BCL9: variants seen among roughly 807,000 people sequenced by gnomAD.
The protein encoded by BCL9 is B-cell CLL/lymphoma 9 protein.
In BCL9, 25 loss-of-function variants were observed where a neutral mutation model predicts 88.5. The ratio of observed to expected loss-of-function variants is 0.28; its 90% CI spans 0.21 to 0.39. The LOEUF (loss-of-function observed/expected upper bound fraction) is 0.39, where lower values mean the gene tolerates loss of function less well. BCL9 is among the 10% of genes least tolerant of loss of function. The pLI is 1.00. For missense variants in BCL9, 1,817 were observed against 1,877.8 expected (o/e 0.97, Z 0.60); for synonymous variants, 711 against 673.3 (o/e 1.06, Z -0.87).
At position 147,625,118 on chromosome 1, in the gene BCL9, AT is replaced by A. The variant is rs1327419306; in HGVS notation, c.*162del. 1 of 766,086 alleles carries A rather than the reference AT, an allele frequency of 1.3e-6. No homozygotes were observed. The highest frequency in any genetic ancestry group is 1.9e-6 in the Non-Finnish European group (1 of 519,084). The allele number at this position is 766,086 out of a possible 1,614,324, so 47.5% of individuals were successfully genotyped here. Reference sequence around the variant, plus strand: ...GAGGGGGGAACTCGAGAATGTATGGATTTACCTGAAAACAAATTATTCATTT... The same window carrying A: ...GAGGGGGGAACTCGAGAATGTATGGATTACCTGAAAACAAATTATTCATTT... On this transcript the variant is annotated 3_prime_UTR_variant, in exon 10 of 10. Coordinates refer to ENST00000234739, the MANE Select transcript of BCL9 (RefSeq NM_004326.4).
At chr1:147,608,814 C>T (rs1657860078) in intron 3 of BCL9, among the ~76,000 whole-genome samples, 1 of 152,150 alleles carries the variant, frequency 6.6e-6, no homozygotes, top group African/African-American at 2.4e-5. Flanking sequence ...GCTCACCTTG[C>T]CCACCAAGGC....
rs774177827 is a variant in BCL9, at chr1:147,588,439, C to G, written c.-477-16338C>G. 4.1e-4 allele frequency among the ~76,000 whole-genome samples: 62 copies of G among 152,142 alleles called. 3 individuals carry two copies. Among genetic ancestry groups the G allele is most frequent in the Non-Finnish European group, 1.3e-4 (9 of 68,006 alleles). On this transcript the variant is annotated intron_variant, in intron 1 of 9. Coordinates refer to ENST00000234739, the MANE Select transcript of BCL9 (RefSeq NM_004326.4). Reference sequence around the variant, plus strand: ...AACAAAAAACGACAGTATACACTTACTTCATTTACAGAAATATGAAATAAG... The same window carrying G: ...AACAAAAAACGACAGTATACACTTAGTTCATTTACAGAAATATGAAATAAG...
At chr1:147,609,340 C>T (rs1422041188) in intron 3 of BCL9, among the ~76,000 whole-genome samples, 4 of 152,154 alleles carry the variant, frequency 2.6e-5, no homozygotes, top group Admixed American at 6.5e-5. Context: ...AACTTATTTC[C>T]TTGGGCTAGG....
intron 7 of BCL9, among the ~76,000 whole-genome samples, chr1:147,618,310 T>G (rs1658395727): frequency 6.6e-6 from 1 of 152,166 alleles, no homozygotes; most frequent in Non-Finnish European, 1.5e-5. Context: ...CTTCCTCGGC[T>G]GGTAGAATAC....
At chr1:147,561,827 G>A (rs982457969) in intron 1 of BCL9, among the ~76,000 whole-genome samples, 8 of 152,176 alleles carry the variant, frequency 5.3e-5, no homozygotes, top group East Asian at 1.9e-4. Context: ...AAAGAGCAGC[G>A]AGAGTGTCAT....
Position 147,624,431 on chromosome 1 carries a change from T to C in BCL9, c.3753T>C (p.Tyr1251=). The C allele has an allele frequency of 6.2e-7, 1 of 1,614,226 alleles. No individual in the cohort carries two copies. The highest frequency in any genetic ancestry group is 8.5e-7 in the Non-Finnish European group (1 of 1,180,040). ...PSEKPSQTLQ[Y]FPRGEVPGRK... ...AGAAGCCCAGCCAGACGCTGCAATATTTCCCTCGAGGGGAAGTTCCAGGCC... is the reference window on the plus strand; with the variant it reads ...AGAAGCCCAGCCAGACGCTGCAATACTTCCCTCGAGGGGAAGTTCCAGGCC... Residue 1251 remains tyrosine, a synonymous_variant, in exon 10 of 10, where the codon TAT becomes TAC. Transcript: ENST00000234739. The surrounding 1 kb of genome is among the most constrained non-coding windows in gnomAD (Gnocchi z 4.4).
Position 147,625,095 on chromosome 1 carries a change from G to GT in BCL9, c.*136_*137insT. 9.3e-7 allele frequency: 1 copy of GT among 1,070,496 alleles called. No homozygotes were observed. Among genetic ancestry groups the GT allele is most frequent in the Non-Finnish European group, 1.3e-6 (1 of 782,090 alleles). 66.3% of individuals were successfully genotyped at this position (1,070,496 alleles called of 1,614,324 possible). The stretch of plus-strand genomic sequence containing the variant: ...GAGACCCGAGGGCTGCTTTGGGGGA[G>GT]GGGGGAACTCGAGAATGTATGGATT... On this transcript the variant is annotated 3_prime_UTR_variant, in exon 10 of 10. Transcript: ENST00000234739.
intron 1 of BCL9, among the ~76,000 whole-genome samples, chr1:147,599,241 G>A (rs1657197595): frequency 6.6e-6 from 1 of 152,214 alleles, no homozygotes; most frequent in Admixed American, 6.5e-5. Flanking sequence ...CTGGGTGGGG[G>A]CTGCTCTCCT....
At position 147,620,485 on chromosome 1, in the gene BCL9, A is replaced by G. The variant is rs372997596; in HGVS notation, c.2330A>G (p.Tyr777Cys). 2 of 1,614,008 alleles carry G rather than the reference A, an allele frequency of 1.2e-6. No individual in the cohort carries two copies. Among genetic ancestry groups the G allele is most frequent in the Non-Finnish European group, 8.5e-7 (1 of 1,180,018 alleles). ...TTTGGTGAGCACCCCCAGCAGGAGT[A>G]TGGCATGGGCCCCAGACCATTCCTT... is the stretch of plus-strand genomic sequence containing the variant. Reference protein sequence around the residue: ...LPFGEHPQQEYGMGPRPFLPM... With the variant: ...LPFGEHPQQECGMGPRPFLPM... The change falls in exon 8 of 10, where the codon TAT (tyrosine) becomes TGT (cysteine). Residue 777 changes from tyrosine (Y) to cysteine (C), a missense_variant. Tyr to Cys is a radical substitution (Grantham distance 194). Around this residue, in one of 2 missense-constraint regions of BCL9, gnomAD observed 1,228 missense variants for 1,191.6 expected, o/e 1.03. Transcript: ENST00000234739.
At position 147,625,217 on chromosome 1, in the gene BCL9, C is replaced by T. The variant is rs1034028246; in HGVS notation, c.*258C>T. ...TTGTGGACTTGGGTATCAATGATGG[C>T]ACCTACTTTTGGGAATCTGTAGCTG... On this transcript the variant is annotated 3_prime_UTR_variant, in exon 10 of 10. Transcript: ENST00000234739. 4 of 423,074 alleles carry T rather than the reference C, an allele frequency of 9.5e-6. No individual in the cohort carries two copies. The highest frequency in any genetic ancestry group is 1.7e-5 in the Non-Finnish European group (4 of 237,954). The allele number at this position is 423,074 out of a possible 1,614,324, so 26.2% of individuals were successfully genotyped here.
intron 1 of BCL9, among the ~76,000 whole-genome samples, chr1:147,557,233 T>G (rs1469117353): frequency 6.6e-6 from 1 of 152,180 alleles, no homozygotes; most frequent in Non-Finnish European, 1.5e-5. Flanking sequence ...ACAACTTGCT[T>G]GATAACATTT....
chr1:147,591,605 C>T (rs1197977180), intron 1 of BCL9, among the ~76,000 whole-genome samples: 1 of 152,116 alleles, frequency 6.6e-6, no homozygotes, highest in African/African-American at 2.4e-5. Context: ...CAGCGACTGC[C>T]ATTATGTTTG....
rs2101629775 is a variant in BCL9, at chr1:147,625,838, G to C, written c.*879G>C. 4.3e-6 allele frequency: 1 copy of C among 232,804 alleles called. No homozygotes were observed. Among genetic ancestry groups the C allele is most frequent in the Non-Finnish European group, 8.5e-6 (1 of 117,574 alleles). 14.4% of individuals were successfully genotyped at this position (232,804 alleles called of 1,614,324 possible). ...GCTGCAATACACAGTGTTATTTTGGGGAAATAAATCTAGCAAAGCCTCGCC... is the reference window on the plus strand; with the variant it reads ...GCTGCAATACACAGTGTTATTTTGGCGAAATAAATCTAGCAAAGCCTCGCC... On this transcript the variant is annotated 3_prime_UTR_variant, in exon 10 of 10. Coordinates refer to ENST00000234739, the MANE Select transcript of BCL9 (RefSeq NM_004326.4).
At chr1:147,623,647 T>A (rs1658764889) in intron 9 of BCL9, among the ~76,000 whole-genome samples, 195 bp from the exon 10 acceptor site, 1 of 152,204 alleles carries the variant, frequency 6.6e-6, no homozygotes, top group Non-Finnish European at 1.5e-5. Flanking sequence ...AATAATATAT[T>A]GTCCTGTAGA....
intron 1 of BCL9, among the ~76,000 whole-genome samples, chr1:147,571,627 C>T (rs913913112): frequency 6.6e-6 from 1 of 152,102 alleles, no homozygotes; most frequent in Non-Finnish European, 1.5e-5. Context: ...GTATCCCACT[C>T]CCATTTTCCT....
At chr1:147,582,137 A>G (rs1236136389) in intron 1 of BCL9, among the ~76,000 whole-genome samples, 1 of 152,244 alleles carries the variant, frequency 6.6e-6, no homozygotes, top group Non-Finnish European at 1.5e-5. Flanking sequence ...GGATAAGACC[A>G]TGTATGCATT....
At chr1:147,614,641 G>A (rs1553203516) in intron 6 of BCL9, 25 bp downstream of exon 6, 1 of 1,584,716 alleles carries the variant, frequency 6.3e-7, no homozygotes, top group Non-Finnish European at 8.6e-7. Context: ...GTGTCTTGCT[G>A]TTGGGCAGGG....
At chr1:147,550,402 TG>T (rs1217302258) in intron 1 of BCL9, among the ~76,000 whole-genome samples, 36 of 152,192 alleles carry the variant, frequency 2.4e-4, no homozygotes, top group African/African-American at 8.7e-4. Context: ...AAAATTTTCA[TG>T]GGTGACAATT....
intron 1 of BCL9, among the ~76,000 whole-genome samples, chr1:147,574,843 G>A (rs587751863): frequency 3.9e-5 from 6 of 152,232 alleles, no homozygotes; most frequent in African/African-American, 1.4e-4. Context: ...AAAGATATGG[G>A]GACCTACCTC....
Sources: gnomAD v4.1 joint callset for allele counts (sites outside exome capture counted in the v4.1 genomes callset) on GRCh38, gnomAD v4.1.1 for gene constraint, gnomAD v4.1.1 regional missense constraint, Gnocchi (gnomAD v3.1) non-coding constraint, MANE v1.5 for transcripts, NCBI Gene and HGNC (gene_info 2026-07-23, HGNC 2026-07-21) for gene names.